The following PRAG1 variants were observed in gnomAD, a reference collection of about 807,000 sequenced individuals.
The protein encoded by PRAG1 is inactive tyrosine-protein kinase PRAG1.
A neutral mutation model predicts 95.6 loss-of-function variants in PRAG1; 110 were observed. That is an observed-to-expected ratio of 1.15 (90% CI 0.99 to 1.35). The LOEUF is 1.35. Ranked by LOEUF, PRAG1 falls within the 40% of genes most tolerant of loss-of-function variation. The pLI is 0.00. For synonymous variants in PRAG1, 1,052 were observed against 819.4 expected (o/e 1.28, Z -4.85); for missense variants, 2,554 against 1,864.7 (o/e 1.37, Z -6.81).
intron 3 of PRAG1, among the ~76,000 whole-genome samples, chr8:8,342,173 AC>A (rs945042038): frequency 1.3e-5 from 2 of 151,628 alleles, no homozygotes; most frequent in African/African-American, 2.4e-5. Flanking sequence ...AGTAACTTTC[AC>A]TTTTTCAATT....
chr8:8,377,126 T>A lies in PRAG1; in HGVS notation c.1283A>T (p.Lys428Met). The A allele has an allele frequency of 6.2e-7, 1 of 1,613,022 alleles. No homozygotes were observed. Residue 428 changes from lysine (K) to methionine (M), a missense_variant, in exon 3 of 6, where the codon AAG becomes ATG. Lys to Met is a moderately conservative substitution (Grantham distance 95, BLOSUM62 -1). Coordinates refer to ENST00000615670, the MANE Select transcript of PRAG1 (RefSeq NM_001080826.3). Reference sequence around the variant, plus strand: ...TGCATGTTCTATCTTGGCCTGTGACTTGGAAGGCACCGGAGCTGCCTTCTT... The same window carrying A: ...TGCATGTTCTATCTTGGCCTGTGACATGGAAGGCACCGGAGCTGCCTTCTT... Reference protein sequence around the residue: ...KRKKAAPVPSKSQAKIEHAAA... With the variant: ...KRKKAAPVPSMSQAKIEHAAA...
intron 4 of PRAG1, among the ~76,000 whole-genome samples, chr8:8,329,585 G>C (rs1347203292): frequency 6.6e-6 from 1 of 152,152 alleles, no homozygotes; most frequent in African/African-American, 2.4e-5. Flanking sequence ...ACAAGGGGTA[G>C]AAGGCCCCAA....
chr8:8,361,604 T>C (rs1799849883), intron 3 of PRAG1, among the ~76,000 whole-genome samples: 1 of 152,240 alleles, frequency 6.6e-6, no homozygotes, highest in Non-Finnish European at 1.5e-5. Flanking sequence ...TAGAGCATAA[T>C]CAATCTATTT....
intron 3 of PRAG1, among the ~76,000 whole-genome samples, chr8:8,363,077 A>ATG (rs1471879451): frequency 7.0e-6 from 1 of 143,510 alleles, no homozygotes; most frequent in Non-Finnish European, 1.5e-5. Context: ...ATATAGATAT[A>ATG]TATATGTGTG....
chr8:8,332,459 C>T (rs1044008831), intron 4 of PRAG1, among the ~76,000 whole-genome samples: 6 of 152,044 alleles, frequency 3.9e-5, no homozygotes, highest in African/African-American at 2.4e-5. Flanking sequence ...CTACTGTGCC[C>T]GGTCTATTAT....
chr8:8,368,092 C>G (rs1237843610), intron 3 of PRAG1, among the ~76,000 whole-genome samples: 1 of 152,188 alleles, frequency 6.6e-6, no homozygotes, highest in African/African-American at 2.4e-5. Flanking sequence ...GAAAAGTTAT[C>G]ATAGCACAAG....
chr8:8,352,657 G>T (rs1254440884), intron 3 of PRAG1, among the ~76,000 whole-genome samples: 1 of 151,992 alleles, frequency 6.6e-6, no homozygotes, highest in Non-Finnish European at 1.5e-5. Flanking sequence ...TTTTTACATT[G>T]GTCTGCATTA....
At chr8:8,323,624 GC>G (rs1798539244) in intron 5 of PRAG1, among the ~76,000 whole-genome samples, 1 of 152,184 alleles carries the variant, frequency 6.6e-6, no homozygotes, top group South Asian at 2.1e-4. Context: ...GCACCTGGCT[GC>G]TTTTGCCCCT....
intron 3 of PRAG1, among the ~76,000 whole-genome samples, chr8:8,355,706 G>T (rs1275368096): frequency 6.6e-6 from 1 of 152,068 alleles, no homozygotes; most frequent in African/African-American, 2.4e-5. Context: ...ATGGTGCTGG[G>T]AAAACTGTAT....
chr8:8,361,390 C>G (rs1255092531), intron 3 of PRAG1, among the ~76,000 whole-genome samples: 1 of 152,106 alleles, frequency 6.6e-6, no homozygotes, highest in Non-Finnish European at 1.5e-5. Context: ...GAGCAGCAGT[C>G]AGGTCTGGGA....
intron 4 of PRAG1, among the ~76,000 whole-genome samples, chr8:8,339,098 A>AAGAGAGAG (rs376138322): frequency 2.0e-5 from 3 of 149,450 alleles, no homozygotes; most frequent in Admixed American, 2.0e-4. Context: ...GTAGATGCAA[A>AAGAGAGAG]AGAGAGAGAG....
Position 8,349,307 on chromosome 8 carries a change from G to A in PRAG1, c.2163-9672C>T, listed in dbSNP as rs188930689. Among the ~76,000 whole-genome samples the A allele has an allele frequency of 3.0e-3, 438 of 147,132 alleles. 6 individuals are homozygous for A. Among genetic ancestry groups the A allele is most frequent in the Admixed American group, 0.025 (371 of 15,022 alleles). On this transcript the variant is annotated intron_variant, in intron 3 of 5. Transcript: ENST00000615670. The stretch of plus-strand genomic sequence containing the variant: ...TTATTTATTTATTTTTTGAGACAGA[G>A]TCTCGCTCTGTCACCCAGGCTGGAG...
At chr8:8,352,448 C>A (rs1023599168) in intron 3 of PRAG1, among the ~76,000 whole-genome samples, 5 of 152,180 alleles carry the variant, frequency 3.3e-5, no homozygotes, top group Non-Finnish European at 7.3e-5. Context: ...ATTCATACTA[C>A]CTCTCAGGGC....
chr8:8,370,289 G>A (rs564626014), intron 3 of PRAG1, among the ~76,000 whole-genome samples: 1 of 152,280 alleles, frequency 6.6e-6, no homozygotes, highest in East Asian at 1.9e-4. Context: ...TTTGCCCCTG[G>A]CATGGCACAG....
At chr8:8,349,558 A>AG (rs1388590253) in intron 3 of PRAG1, among the ~76,000 whole-genome samples, 2 of 152,126 alleles carry the variant, frequency 1.3e-5, no homozygotes, top group Non-Finnish European at 2.9e-5. Context: ...CTGGGATTAC[A>AG]GGCCTGAGCC....
intron 5 of PRAG1, among the ~76,000 whole-genome samples, chr8:8,325,238 C>G (rs138091323): frequency 1.4e-4 from 21 of 152,338 alleles, no homozygotes; most frequent in South Asian, 8.3e-4. Context: ...GCCCGCCCCC[C>G]CAATGACCAG....
At chr8:8,334,761 C>T (rs1180054475) in intron 4 of PRAG1, among the ~76,000 whole-genome samples, 14 of 150,810 alleles carry the variant, frequency 9.3e-5, no homozygotes, top group Non-Finnish European at 1.5e-4. Context: ...GGTTTTCTTC[C>T]GAGTTAGTAA....
Position 8,376,882 on chromosome 8 carries a change from G to C in PRAG1, c.1527C>G (p.Asn509Lys), listed in dbSNP as rs754830854. 1.9e-6 allele frequency: 3 copies of C among 1,613,256 alleles called. No homozygotes were observed. Among genetic ancestry groups the C allele is most frequent in the Non-Finnish European group, 1.7e-6 (2 of 1,180,026 alleles). ...VQWPRGPVSQNSEVGEEETSA... is the reference protein window; with the variant it reads ...VQWPRGPVSQKSEVGEEETSA... ...AAGTCTCCTCTTCACCTACCTCGGA[G>C]TTCTGGCTCACAGGCCCTCGTGGCC... Residue 509 changes from asparagine to lysine, a missense_variant, in exon 3 of 6, where the codon AAC (asparagine) becomes AAG (lysine). Physicochemically the swap from Asn to Lys is moderately conservative, Grantham distance 94 (BLOSUM62 0). Coordinates refer to ENST00000615670, the MANE Select transcript of PRAG1 (RefSeq NM_001080826.3).
At chr8:8,378,648 C>A (rs1800519804) in intron 2 of PRAG1, among the ~76,000 whole-genome samples, 1 of 152,094 alleles carries the variant, frequency 6.6e-6, no homozygotes, top group South Asian at 2.1e-4. Context: ...TTGCTTGAGC[C>A]CAGGAGTTCA....
Sources: gnomAD v4.1 joint callset for allele counts (sites outside exome capture counted in the v4.1 genomes callset) on GRCh38, gnomAD v4.1.1 for gene constraint, MANE v1.5 for transcripts, NCBI Gene and HGNC (gene_info 2026-07-23, HGNC 2026-07-21) for gene names.